The following MIPOL1 variants were observed in gnomAD, a reference collection of about 807,000 sequenced individuals.
MIPOL1 encodes the protein mirror-image polydactyly gene 1 protein.
In MIPOL1, 57 loss-of-function variants were observed where a neutral mutation model predicts 60.9. The observed-to-expected ratio is 0.94, with a 90% CI of 0.76 to 1.17. The LOEUF is 1.17. Among genes scored for constraint, MIPOL1 ranks in the 50% most tolerant of loss-of-function variants. The probability of loss-of-function intolerance (pLI) is 0.00; values close to 1 mark genes in which losing one functional copy is unlikely to be tolerated. For synonymous variants in MIPOL1, 179 were observed against 168.8 expected, an observed-to-expected ratio of 1.06 and a Z score of -0.47; for missense variants, 551 against 511.6, an observed-to-expected ratio of 1.08 and a Z score of -0.74.
At chr14:37,308,545 C>T (rs942407211) in intron 9 of MIPOL1, 26 bp downstream of exon 9, 3 of 1,434,816 alleles carry the variant, frequency 2.1e-6, no homozygotes, top group Admixed American at 5.2e-5. Flanking sequence ...TCTGTAAAAG[C>T]ATATACTTAC....
At chr14:37,297,568 C>T (rs1263552776) in intron 7 of MIPOL1, among the ~76,000 whole-genome samples, 2 of 152,108 alleles carry the variant, frequency 1.3e-5, no homozygotes, top group Non-Finnish European at 2.9e-5. Flanking sequence ...ATCGTCTCAG[C>T]CCAAAATCTC....
intron 10 of MIPOL1, among the ~76,000 whole-genome samples, chr14:37,413,624 T>C (rs1438871002): frequency 6.6e-6 from 1 of 152,188 alleles, no homozygotes; most frequent in Non-Finnish European, 1.5e-5. Flanking sequence ...ACCTAACATA[T>C]TCACAGGTTC....
intron 10 of MIPOL1, among the ~76,000 whole-genome samples, chr14:37,422,252 A>G (rs2093886152): frequency 6.6e-6 from 1 of 152,054 alleles, no homozygotes; most frequent in African/African-American, 2.4e-5. Flanking sequence ...CCTTTAATAA[A>G]GTATCACTAG....
rs1480927836 is a variant in MIPOL1, at chr14:37,546,929, G to A, written c.1287G>A (p.Leu429=). Residue 429 remains leucine (L), a synonymous_variant, in exon 13 of 13, where the codon CTG becomes CTA. Coordinates refer to ENST00000684589, the MANE Select transcript of MIPOL1 (RefSeq NM_001388067.1). ...VQKLERLVDV[L]RKKVGTGTMR... ...GGTTGGAAAGGCTGGTGGATGTACT[G>A]AGGAAGAAGGTTGGAACCGGGACCA... 5.6e-6 allele frequency: 9 copies of A among 1,613,520 alleles called. No individual in the cohort carries two copies. Among genetic ancestry groups the A allele is most frequent in the Non-Finnish European group, 6.8e-6 (8 of 1,179,734 alleles).
intron 7 of MIPOL1, among the ~76,000 whole-genome samples, chr14:37,299,958 C>T (rs2086224001): frequency 6.6e-6 from 1 of 152,002 alleles, no homozygotes; most frequent in African/African-American, 2.4e-5. Flanking sequence ...GTATTTTACA[C>T]AGAATGTTTC....
At chr14:37,424,012 C>T (rs936257777) in intron 11 of MIPOL1, among the ~76,000 whole-genome samples, 2 of 152,062 alleles carry the variant, frequency 1.3e-5, no homozygotes, top group African/African-American at 4.8e-5. Flanking sequence ...TCTCAAGAAC[C>T]ACTGATATTA....
At chr14:37,228,888 T>G in intron 1 of MIPOL1, among the ~76,000 whole-genome samples, 1 of 152,120 alleles carries the variant, frequency 6.6e-6, no homozygotes, top group South Asian at 2.1e-4. Context: ...GGCCAGGAGT[T>G]TGAGACCAGC....
intron 11 of MIPOL1, among the ~76,000 whole-genome samples, chr14:37,424,160 A>C (rs1432996472): frequency 6.6e-6 from 1 of 152,232 alleles, no homozygotes; most frequent in Non-Finnish European, 1.5e-5. Context: ...TAACATCTGC[A>C]GTAGTTGGCT....
chr14:37,363,519 G>A (rs952397951), intron 9 of MIPOL1, among the ~76,000 whole-genome samples: 4 of 152,142 alleles, frequency 2.6e-5, no homozygotes, highest in Non-Finnish European at 5.9e-5. Flanking sequence ...TCCCAGAGGG[G>A]CATCCACCTG....
intron 12 of MIPOL1, among the ~76,000 whole-genome samples, chr14:37,535,308 TCTAAG>T (rs1477978810): frequency 6.6e-6 from 1 of 152,192 alleles, no homozygotes; most frequent in African/African-American, 2.4e-5. Flanking sequence ...GTATATCTAA[TCTAAG>T]GACAGTTGAA....
intron 7 of MIPOL1, among the ~76,000 whole-genome samples, chr14:37,304,205 T>C (rs1248895262): frequency 1.3e-5 from 2 of 151,778 alleles, no homozygotes; most frequent in Non-Finnish European, 2.9e-5. Context: ...TTCAGATCCT[T>C]TGTTGTCTTT....
intron 12 of MIPOL1, among the ~76,000 whole-genome samples, chr14:37,517,293 A>G (rs941178414): frequency 6.6e-6 from 1 of 152,190 alleles, no homozygotes. Context: ...TTTAATTAAA[A>G]CATTATGATC....
chr14:37,492,533 C>T (rs527266379), intron 11 of MIPOL1, among the ~76,000 whole-genome samples: 20 of 152,084 alleles, frequency 1.3e-4, no homozygotes, highest in East Asian at 7.7e-4. Context: ...GATATGAATG[C>T]GTATTCTTTG....
At chr14:37,225,234 G>T (rs146428857) in intron 1 of MIPOL1, among the ~76,000 whole-genome samples, 1 of 152,248 alleles carries the variant, frequency 6.6e-6, no homozygotes, top group East Asian at 1.9e-4. Flanking sequence ...TCTAGAAGAT[G>T]GTGGCCCTTT....
At chr14:37,412,729 T>C (rs956203597) in intron 10 of MIPOL1, among the ~76,000 whole-genome samples, 2 of 152,160 alleles carry the variant, frequency 1.3e-5, no homozygotes, top group Non-Finnish European at 2.9e-5. Context: ...TCTAGTTTCC[T>C]GTTAAACAGG....
chr14:37,485,576 A>G (rs935173759), intron 11 of MIPOL1, among the ~76,000 whole-genome samples: 3 of 152,158 alleles, frequency 2.0e-5, no homozygotes, highest in East Asian at 1.9e-4. Context: ...CATTTATCTA[A>G]TGACCAGTGA....
rs184233424 is a variant in MIPOL1, at chr14:37,201,775, C to T, written c.-199+3671C>T. 1.6e-3 allele frequency among the ~76,000 whole-genome samples: 239 copies of T among 152,246 alleles called. 4 individuals are homozygous for T. The highest frequency in any genetic ancestry group is 0.014 in the Admixed American group (214 of 15,278). On this transcript the variant is annotated intron_variant, in intron 1 of 12. Transcript: ENST00000684589. The stretch of plus-strand genomic sequence containing the variant: ...ATTGCCCAAAATTTTACTTTAATAC[C>T]ATTCAGCCCACCATCCATGTTAACA...
intron 11 of MIPOL1, among the ~76,000 whole-genome samples, chr14:37,492,888 C>CAA (rs2095065656): frequency 1.3e-5 from 2 of 152,050 alleles, no homozygotes; most frequent in Non-Finnish European, 1.5e-5. Flanking sequence ...CCAGTTGTGA[C>CAA]AAAAATGTCT....
chr14:37,372,596 A>G (rs1476888961), intron 10 of MIPOL1, among the ~76,000 whole-genome samples: 1 of 151,976 alleles, frequency 6.6e-6, no homozygotes, highest in Non-Finnish European at 1.5e-5. Flanking sequence ...TCTACTAAAA[A>G]ATACTAAAAT....
Sources: allele counts gnomAD v4.1 joint callset (sites outside exome capture counted in the v4.1 genomes callset), GRCh38; gene constraint gnomAD v4.1.1; transcripts MANE v1.5; gene names NCBI Gene and HGNC (gene_info 2026-07-23, HGNC 2026-07-21).